The following DDAH1 variants were observed in gnomAD, a reference collection of about 807,000 sequenced individuals.
The protein encoded by DDAH1 is dimethylarginine dimethylaminohydrolase 1.
In DDAH1, 19 loss-of-function variants were observed where a neutral mutation model predicts 28.8. That is an observed-to-expected ratio of 0.66 (90% CI 0.46 to 0.97). The LOEUF (loss-of-function observed/expected upper bound fraction) is 0.97, where lower values mean the gene tolerates loss of function less well. Among genes scored for constraint, DDAH1 ranks in the 50% least tolerant of loss-of-function variants. DDAH1 has a pLI of 0.00. For missense variants in DDAH1, 326 were observed against 375.9 expected (o/e 0.87, Z 1.10); for synonymous variants, 153 against 154.4 (o/e 0.99, Z 0.07).
intron 1 of DDAH1, among the ~76,000 whole-genome samples, chr1:85,544,147 GC>G (rs2100788018): frequency 6.6e-6 from 1 of 152,256 alleles, no homozygotes; most frequent in African/African-American, 2.4e-5. Flanking sequence ...ATTCATTTAA[GC>G]TAAACAAACA....
chr1:85,517,103 G>A (rs1015436330), intron 1 of DDAH1, among the ~76,000 whole-genome samples: 1 of 152,088 alleles, frequency 6.6e-6, no homozygotes, highest in African/African-American at 2.4e-5. Context: ...CAGCCCTGAG[G>A]ACTTAAATAA....
At chr1:85,388,333 CTAT>C (rs1159242999) in intron 1 of DDAH1, among the ~76,000 whole-genome samples, 4 of 152,118 alleles carry the variant, frequency 2.6e-5, no homozygotes, top group African/African-American at 9.7e-5. Flanking sequence ...GCCATTACTA[CTAT>C]TGTTAAGAAA....
At chr1:85,404,302 T>A (rs986462092) in intron 1 of DDAH1, 2 of 1,425,100 alleles carry the variant, frequency 1.4e-6, no homozygotes, top group African/African-American at 2.8e-5. Context: ...TACATGAAAC[T>A]TCTGCCTGTA....
At chr1:85,573,889 T>C (rs913976461) in intron 1 of DDAH1, among the ~76,000 whole-genome samples, 1 of 152,208 alleles carries the variant, frequency 6.6e-6, no homozygotes, top group African/African-American at 2.4e-5. Flanking sequence ...TCCCTACAAT[T>C]TCACAGGTGG....
chr1:85,481,525 TATC>T (rs1477666312), intron 2 of DDAH1, among the ~76,000 whole-genome samples: 1 of 152,238 alleles, frequency 6.6e-6, no homozygotes, highest in African/African-American at 2.4e-5. Context: ...ATGTGAATGA[TATC>T]ACTTAATATT....
chr1:85,436,130 T>C (rs1653932147), intron 1 of DDAH1, among the ~76,000 whole-genome samples: 1 of 152,142 alleles, frequency 6.6e-6, no homozygotes, highest in African/African-American at 2.4e-5. Context: ...TTTATTGCAT[T>C]GGCCATAAAT....
chr1:85,504,734 A>T (rs180908209), intron 1 of DDAH1, among the ~76,000 whole-genome samples: 28 of 152,256 alleles, frequency 1.8e-4, no homozygotes, highest in Non-Finnish European at 3.2e-4. Context: ...TACGCTAAAA[A>T]GCATGAGAAC....
At chr1:85,428,464 C>T (rs936455081) in intron 1 of DDAH1, among the ~76,000 whole-genome samples, 14 of 152,058 alleles carry the variant, frequency 9.2e-5, no homozygotes, top group African/African-American at 2.7e-4. Flanking sequence ...GGGAAAGATT[C>T]GCCCCCATGA....
chr1:85,387,498 G>C (rs577929828), intron 1 of DDAH1, among the ~76,000 whole-genome samples: 3 of 152,162 alleles, frequency 2.0e-5, no homozygotes, highest in African/African-American at 2.4e-5. Flanking sequence ...TAACAAAAGT[G>C]ATCTTTGCTC....
chr1:85,346,758 G>GCC (rs1285839699), intron 4 of DDAH1, among the ~76,000 whole-genome samples: 3 of 151,960 alleles, frequency 2.0e-5, no homozygotes, highest in Admixed American at 2.0e-4. Flanking sequence ...ATTAATAATT[G>GCC]CCCCATTAGA....
intron 1 of DDAH1, among the ~76,000 whole-genome samples, chr1:85,543,282 T>A (rs1017799668): frequency 2.0e-5 from 3 of 152,230 alleles, no homozygotes; most frequent in African/African-American, 4.8e-5. Flanking sequence ...TTGAAATTTT[T>A]AAAATTTCAA....
At chr1:85,347,515 A>G (rs1442327162) in intron 4 of DDAH1, among the ~76,000 whole-genome samples, 1 of 152,050 alleles carries the variant, frequency 6.6e-6, no homozygotes, top group Non-Finnish European at 1.5e-5. Context: ...CTATCACAAG[A>G]GCAAAAAACC....
intron 4 of DDAH1, among the ~76,000 whole-genome samples, chr1:85,348,675 T>C (rs145043508): frequency 6.6e-6 from 1 of 152,248 alleles, no homozygotes; most frequent in African/African-American, 2.4e-5. Context: ...CAAAGCTTTC[T>C]CTGAATATCT....
rs1473602360 is a variant in DDAH1, at chr1:85,358,774, A to G, written c.377T>C (p.Leu126Ser). The change falls in exon 2 of 6, where the codon TTA (leucine) becomes TCA (serine). Residue 126 changes from leucine (L) to serine (S), a missense_variant. Physicochemically the swap from Leu to Ser is moderately radical, Grantham distance 145. Coordinates refer to ENST00000284031, the MANE Select transcript of DDAH1 (RefSeq NM_012137.4). ...TGTGAATAAAACATCTCCGCCATCTAAAGTTGCATTTTCATCTTTCATCTC... is the reference window on the plus strand; with the variant it reads ...TGTGAATAAAACATCTCCGCCATCTGAAGTTGCATTTTCATCTTTCATCTC... The part of the protein sequence containing the change: ...IVEMKDENAT[L>S]DGGDVLFTGR... 12 of 1,611,790 alleles carry G rather than the reference A, an allele frequency of 7.4e-6. No individual in the cohort carries two copies. The highest frequency in any genetic ancestry group is 1.1e-5 in the South Asian group (1 of 90,578).
At chr1:85,560,639 A>G (rs1015570677) in intron 1 of DDAH1, among the ~76,000 whole-genome samples, 1 of 152,068 alleles carries the variant, frequency 6.6e-6, no homozygotes, top group African/African-American at 2.4e-5. Flanking sequence ...CAAACCCCAG[A>G]GCAATCAATT....
chr1:85,343,316 G>C (rs1224088598), intron 4 of DDAH1, among the ~76,000 whole-genome samples: 3 of 152,104 alleles, frequency 2.0e-5, no homozygotes, highest in African/African-American at 7.2e-5. Context: ...TTATTTATTG[G>C]CTTATTATGC....
chr1:85,408,634 C>T (rs1652516022), intron 1 of DDAH1, among the ~76,000 whole-genome samples: 1 of 152,134 alleles, frequency 6.6e-6, no homozygotes, highest in South Asian at 2.1e-4. Context: ...GCAAGTTATA[C>T]ACATCCACTA....
intron 1 of DDAH1, among the ~76,000 whole-genome samples, chr1:85,571,279 A>G (rs1659447111): frequency 6.6e-6 from 1 of 152,192 alleles, no homozygotes; most frequent in Non-Finnish European, 1.5e-5. Flanking sequence ...GCTCACCTGA[A>G]AGTTCTCACT....
At chr1:85,524,634 C>A (rs1332597494) in intron 1 of DDAH1, among the ~76,000 whole-genome samples, 14 of 152,274 alleles carry the variant, frequency 9.2e-5, no homozygotes, top group South Asian at 4.1e-4. Flanking sequence ...TTGCCTGCAA[C>A]TCCAATTCCA....
Sources: gnomAD v4.1 joint callset for allele counts (sites outside exome capture counted in the v4.1 genomes callset) on GRCh38, gnomAD v4.1.1 for gene constraint, MANE v1.5 for transcripts, NCBI Gene and HGNC (gene_info 2026-07-23, HGNC 2026-07-21) for gene names.